Variants in EXPH5 observed in about 807,000 individuals in gnomAD.
EXPH5 encodes exophilin 5.
A neutral mutation model predicts 41.1 loss-of-function variants in EXPH5; 42 were observed. The observed-to-expected ratio is 1.02, with a 90% CI of 0.80 to 1.32. The LOEUF (loss-of-function observed/expected upper bound fraction) is 1.32, where lower values mean the gene tolerates loss of function less well. Ranked by LOEUF, EXPH5 falls within the 40% of genes most tolerant of loss-of-function variation. The probability of loss-of-function intolerance (pLI) is 0.00; values close to 1 mark genes in which losing one functional copy is unlikely to be tolerated. For synonymous variants in EXPH5, 798 were observed against 833.5 expected, an observed-to-expected ratio of 0.96 and a Z score of 0.73; for missense variants, 2,298 against 2,314.5, an observed-to-expected ratio of 0.99 and a Z score of 0.15.
At chr11:108,524,073 T>C (rs914629285) in intron 4 of EXPH5, among the ~76,000 whole-genome samples, 1 of 151,796 alleles carries the variant, frequency 6.6e-6, no homozygotes, top group African/African-American at 2.4e-5. Flanking sequence ...CTAATATATA[T>C]TATTACAGAA....
At chr11:108,555,934 G>T (rs1226026175) in intron 1 of EXPH5, among the ~76,000 whole-genome samples, 1 of 152,132 alleles carries the variant, frequency 6.6e-6, no homozygotes, top group Non-Finnish European at 1.5e-5. Context: ...GCGTGAGAAC[G>T]GACGTATACA....
chr11:108,593,603 C>T lies in EXPH5; in HGVS notation c.-67G>A, dbSNP rs1188327539. 6.2e-7 allele frequency: 1 copy of T among 1,611,840 alleles called. No homozygotes were observed. The highest frequency in any genetic ancestry group is 8.5e-7 in the Non-Finnish European group (1 of 1,179,032). The stretch of plus-strand genomic sequence containing the variant: ...CTCCTGTTAGGAAGGCATTTTTCAA[C>T]CTGTACAAGACCAGTTTCACGAACT... On this transcript the variant is annotated 5_prime_UTR_variant, in exon 1 of 6. Coordinates refer to ENST00000265843, the MANE Select transcript of EXPH5 (RefSeq NM_015065.3).
chr11:108,521,973 A>C (rs1332701610), intron 4 of EXPH5, among the ~76,000 whole-genome samples: 1 of 152,080 alleles, frequency 6.6e-6, no homozygotes, highest in Non-Finnish European at 1.5e-5. Flanking sequence ...TGAAGAGATG[A>C]CCCTCTCTAG....
chr11:108,538,984 G>C, intron 3 of EXPH5, 40 bp downstream of exon 3: 1 of 1,488,350 alleles, frequency 6.7e-7, no homozygotes. Context: ...TCTGATATCG[G>C]ATAACAAATG....
chr11:108,511,794 G>C lies in EXPH5; in HGVS notation c.3713C>G (p.Ser1238Cys), dbSNP rs770907724. The C allele has an allele frequency of 6.2e-7, 1 of 1,609,768 alleles. No individual in the cohort carries two copies. The highest frequency in any genetic ancestry group is 2.2e-5 in the East Asian group (1 of 44,856). Residue 1238 changes from serine (S) to cysteine (C), a missense_variant, in exon 6 of 6, where the codon TCT becomes TGT. Transcript: ENST00000265843. The part of the protein sequence containing the change: ...KVKTTSTFSV[S>C]GDEDNVKCLE... ...ACATTTTACATTATCTTCATCACCA[G>C]AAACAGAAAACGTACTAGTCGTCTT...
chr11:108,534,779 C>T (rs1008093361), intron 3 of EXPH5, among the ~76,000 whole-genome samples: 1 of 152,174 alleles, frequency 6.6e-6, no homozygotes, highest in African/African-American at 2.4e-5. Context: ...CATGGCATCC[C>T]TGTGTGAATT....
At chr11:108,590,519 CTA>C (rs2094124904) in intron 1 of EXPH5, among the ~76,000 whole-genome samples, 1 of 152,136 alleles carries the variant, frequency 6.6e-6, no homozygotes, top group Admixed American at 6.6e-5. Context: ...GGAGAAAGTT[CTA>C]TGTGTTCAGG....
rs763975244 is a variant in EXPH5, at chr11:108,510,883, G to C, written c.4624C>G (p.Gln1542Glu). Residue 1542 changes from glutamine (Q) to glutamate (E), a missense_variant, in exon 6 of 6, where the codon CAA (glutamine) becomes GAA (glutamate). Transcript: ENST00000265843. ...SLQSEPRELP[Q>E]RSQEANMTES... The stretch of plus-strand genomic sequence containing the variant: ...GTCATATTTGCCTCCTGACTTCTTT[G>C]AGGTAATTCTCTTGGTTCAGACTGC... 1.9e-6 allele frequency: 3 copies of C among 1,614,142 alleles called. No homozygotes were observed. Among genetic ancestry groups the C allele is most frequent in the South Asian group, 2.2e-5 (2 of 91,076 alleles).
rs1387791772 is a variant in EXPH5, at chr11:108,514,761, C to A, written c.746G>T (p.Gly249Val). The change falls in exon 6 of 6, where the codon GGT (glycine) becomes GTT (valine). Residue 249 changes from glycine (G) to valine (V), a missense_variant. Coordinates refer to ENST00000265843, the MANE Select transcript of EXPH5 (RefSeq NM_015065.3). ...RTQFGHFYSS[G>V]NRHGNITERH... Reference sequence around the variant, plus strand: ...TTCTGTGATATTACCATGTCTGTTACCACTGGAATAAAAGTGACCGAACTG... The same window carrying A: ...TTCTGTGATATTACCATGTCTGTTAACACTGGAATAAAAGTGACCGAACTG... 3.7e-6 allele frequency: 6 copies of A among 1,611,256 alleles called. No individual in the cohort carries two copies. Among genetic ancestry groups the A allele is most frequent in the Middle Eastern group, 3.3e-4 (2 of 6,066 alleles).
chr11:108,596,245 G>T (rs2094138797), upstream of EXPH5, among the ~76,000 whole-genome samples: 1 of 152,096 alleles, frequency 6.6e-6, no homozygotes, highest in East Asian at 1.9e-4. Flanking sequence ...TAGACAAGAA[G>T]AGTAGAGTGA....
chr11:108,506,115 G>T lies in EXPH5; in HGVS notation c.*3422C>A, dbSNP rs1468347197. On this transcript the variant is annotated 3_prime_UTR_variant, in exon 6 of 6. Transcript: ENST00000265843. ...TATTTATTACGATTGATTCCCCTAT[G>T]ATTTACTCCATTTACATGAATGTTT... is the stretch of plus-strand genomic sequence containing the variant. 6.6e-6 allele frequency: 1 copy of T among 151,980 alleles called. No homozygotes were observed. The highest frequency in any genetic ancestry group is 1.9e-4 in the East Asian group (1 of 5,190). The allele number at this position is 151,980 out of a possible 1,614,324, so 9.4% of individuals were successfully genotyped here. A position where few individuals can be genotyped will look rare whatever the true frequency, so the allele number is the denominator to read the frequency against.
chr11:108,579,894 C>T (rs767099042), intron 1 of EXPH5, among the ~76,000 whole-genome samples: 22 of 151,988 alleles, frequency 1.4e-4, no homozygotes, highest in Non-Finnish European at 2.9e-4. Flanking sequence ...GTAGCTGGGG[C>T]GCATACACAC....
At chr11:108,581,598 G>T (rs1310228309) in intron 1 of EXPH5, among the ~76,000 whole-genome samples, 1 of 151,764 alleles carries the variant, frequency 6.6e-6, no homozygotes, top group African/African-American at 2.4e-5. Flanking sequence ...TTCACCTTAA[G>T]AAATGAGAAA....
chr11:108,584,592 G>C (rs1234137482), intron 1 of EXPH5, among the ~76,000 whole-genome samples: 1 of 152,054 alleles, frequency 6.6e-6, no homozygotes, highest in African/African-American at 2.4e-5. Context: ...CTATGGAAAA[G>C]AGCAGAGTCC....
At position 108,541,732 on chromosome 11, in the gene EXPH5, T is replaced by C. The variant is rs1260715413; in HGVS notation, c.200A>G (p.Lys67Arg). The C allele has an allele frequency of 2.5e-6, 4 of 1,613,150 alleles. No homozygotes were observed. The South Asian group carries it at 4.4e-5, about 18-fold the overall frequency. Residue 67 changes from lysine (K) to arginine (R), a missense_variant, in exon 2 of 6, where the codon AAG becomes AGG. Physicochemically the swap from Lys to Arg is conservative, Grantham distance 26. Transcript: ENST00000265843. ...GEWFEEIQRK[K>R]FCNETDVSQM... The stretch of plus-strand genomic sequence containing the variant: ...GCTAACATCTGTTTCATTGCAAAAC[T>C]TTTTTCTTTGAATTTCTTCAAACCA...
chr11:108,536,223 A>G (rs1291907292), intron 3 of EXPH5, among the ~76,000 whole-genome samples: 2 of 151,948 alleles, frequency 1.3e-5, no homozygotes, highest in Non-Finnish European at 2.9e-5. Flanking sequence ...TGGGAAGTGT[A>G]TATGTTTGAG....
intron 1 of EXPH5, among the ~76,000 whole-genome samples, chr11:108,581,500 T>TA (rs1292754574): frequency 6.6e-6 from 1 of 152,070 alleles, no homozygotes; most frequent in African/African-American, 2.4e-5. Flanking sequence ...GTACAATTAT[T>TA]ATTTGCTAAT....
intron 1 of EXPH5, among the ~76,000 whole-genome samples, chr11:108,580,106 G>A (rs998731831): frequency 1.3e-5 from 2 of 152,144 alleles, no homozygotes; most frequent in African/African-American, 4.8e-5. Context: ...TCAACAGAGT[G>A]AAAAGATAAC....
chr11:108,568,175 T>TTGGGGGGG (rs71875609), intron 1 of EXPH5: 1 of 102,892 alleles, frequency 9.7e-6, no homozygotes, highest in African/African-American at 4.6e-5. Context: ...TTACTTTTTT[T>TTGGGGGGG]GGGAGGGGGG....
Sources: allele counts gnomAD v4.1 joint callset (sites outside exome capture counted in the v4.1 genomes callset), GRCh38; gene constraint gnomAD v4.1.1; transcripts MANE v1.5; gene names NCBI Gene and HGNC (gene_info 2026-07-23, HGNC 2026-07-21).